The following CADM2 variants were observed in gnomAD, a reference collection of about 807,000 sequenced individuals.
The protein encoded by CADM2 is immunoglobulin superfamily member 4D.
CADM2 carries 12 observed loss-of-function variants against 49.8 expected under a neutral mutation model. The ratio of observed to expected loss-of-function variants is 0.24; its 90% CI spans 0.15 to 0.39. CADM2 has a LOEUF of 0.39. Among genes scored for constraint, CADM2 ranks in the 10% least tolerant of loss-of-function variants. The pLI, the probability that CADM2 is intolerant of heterozygous loss-of-function variation, is 1.00. For missense variants in CADM2, 378 were observed against 492.3 expected, an observed-to-expected ratio of 0.77 and a Z score of 2.20; for synonymous variants, 214 against 175.4, an observed-to-expected ratio of 1.22 and a Z score of -1.74.
intron 1 of CADM2, among the ~76,000 whole-genome samples, chr3:85,690,368 G>A (rs1291111475): frequency 6.6e-6 from 1 of 152,108 alleles, no homozygotes; most frequent in East Asian, 1.9e-4. Context: ...AATTATGAGA[G>A]ATGTAGTTAA....
chr3:85,687,739 C>G lies in CADM2; in HGVS notation c.62-38783C>G, dbSNP rs117870008. Among the ~76,000 whole-genome samples, 160 of 152,214 alleles carry G rather than the reference C, an allele frequency of 1.1e-3. 1 individual carries two copies. In the East Asian group the frequency reaches 0.029, roughly 27 times the overall value. On this transcript the variant is annotated intron_variant, in intron 1 of 9. Coordinates refer to ENST00000383699, the MANE Select transcript of CADM2 (RefSeq NM_001167675.2). ...ATGTGGGTAATTAGATGTCTATAGT[C>G]CTCCTACTATTTCAACAAAACTATC...
chr3:85,603,613 C>T (rs1333346702), intron 1 of CADM2, among the ~76,000 whole-genome samples: 1 of 151,824 alleles, frequency 6.6e-6, no homozygotes, highest in African/African-American at 2.4e-5. Flanking sequence ...TTTTCACTGG[C>T]TCAGCACCTG....
intron 1 of CADM2, among the ~76,000 whole-genome samples, chr3:85,276,324 AATG>A (rs2043356465): frequency 6.6e-6 from 1 of 151,380 alleles, no homozygotes; most frequent in Non-Finnish European, 1.5e-5. Context: ...TTGCTACTGA[AATG>A]ATGTACTTTG....
intron 1 of CADM2, among the ~76,000 whole-genome samples, chr3:85,068,781 A>AT (rs5850664): frequency 0.088 from 13,191 of 149,232 alleles, 1,840 homozygotes; most frequent in African/African-American, 0.3. Flanking sequence ...TATTTATTTA[A>AT]TTTTTTTTTT....
chr3:85,888,314 C>A (rs1559723478), intron 5 of CADM2, among the ~76,000 whole-genome samples: 1 of 152,092 alleles, frequency 6.6e-6, no homozygotes, highest in Non-Finnish European at 1.5e-5. Flanking sequence ...GAATTTTTGA[C>A]AAAATTGGCC....
At chr3:85,556,688 G>A (rs1009585435) in intron 1 of CADM2, among the ~76,000 whole-genome samples, 1 of 152,046 alleles carries the variant, frequency 6.6e-6, no homozygotes, top group Non-Finnish European at 1.5e-5. Flanking sequence ...TCACAATTTA[G>A]CTCTCTAAAT....
chr3:85,467,483 T>C (rs1336467433), intron 1 of CADM2, among the ~76,000 whole-genome samples: 3 of 152,162 alleles, frequency 2.0e-5, no homozygotes, highest in Non-Finnish European at 4.4e-5. Flanking sequence ...ACTCTGTAAA[T>C]TGGATGTTTA....
intron 2 of CADM2, among the ~76,000 whole-genome samples, chr3:85,796,980 A>G (rs886292034): frequency 2.1e-4 from 32 of 151,938 alleles, no homozygotes; most frequent in South Asian, 4.1e-4. Flanking sequence ...CTGCAGTTCC[A>G]GCTACTCGGG....
At chr3:85,632,001 T>C (rs1158592536) in intron 1 of CADM2, among the ~76,000 whole-genome samples, 1 of 152,134 alleles carries the variant, frequency 6.6e-6, no homozygotes, top group African/African-American at 2.4e-5. Context: ...TTTGCTATGC[T>C]TTGCTTTTCC....
intron 1 of CADM2, among the ~76,000 whole-genome samples, chr3:84,986,189 C>G (rs901268876): frequency 1.3e-5 from 2 of 152,104 alleles, no homozygotes; most frequent in African/African-American, 2.4e-5. Flanking sequence ...TGGGTTTTAA[C>G]TTTTTTACTT....
intron 8 of CADM2, among the ~76,000 whole-genome samples, chr3:86,011,451 C>A (rs1419673857): frequency 6.6e-6 from 1 of 151,968 alleles, no homozygotes; most frequent in Non-Finnish European, 1.5e-5. Context: ...AGAAACAAAA[C>A]AAAACCTGTA....
chr3:85,914,500 G>A (rs1054352471), intron 6 of CADM2, among the ~76,000 whole-genome samples: 3 of 152,076 alleles, frequency 2.0e-5, no homozygotes, highest in African/African-American at 2.4e-5. Flanking sequence ...AGGATCAACA[G>A]CATTTTAATT....
intron 1 of CADM2, among the ~76,000 whole-genome samples, chr3:85,497,908 T>A (rs1025359572): frequency 6.6e-6 from 1 of 151,972 alleles, no homozygotes; most frequent in Non-Finnish European, 1.5e-5. Context: ...TGTATATATA[T>A]AAATATATAT....
intron 1 of CADM2, among the ~76,000 whole-genome samples, chr3:85,030,419 C>T (rs752767841): frequency 4.6e-5 from 7 of 152,178 alleles, no homozygotes; most frequent in Non-Finnish European, 7.3e-5. Flanking sequence ...CAAGGACATA[C>T]GACCAGCATA....
chr3:85,909,401 A>AATATATAT (rs59251646), intron 5 of CADM2, among the ~76,000 whole-genome samples: 36,380 of 147,034 alleles, frequency 0.25, 5,065 homozygotes, highest in Non-Finnish European at 0.32. Flanking sequence ...TGTAAAATGA[A>AATATATAT]ATATATATAT....
chr3:85,949,965 G>T (rs1723247701), intron 7 of CADM2, among the ~76,000 whole-genome samples: 1 of 151,018 alleles, frequency 6.6e-6, no homozygotes, highest in Non-Finnish European at 1.5e-5. Flanking sequence ...TTTATATAGT[G>T]TCACATTGTT....
rs568457293 is a variant in CADM2, at chr3:85,980,986, T to C, written c.970+19339T>C. On this transcript the variant is annotated intron_variant, in intron 8 of 9. Transcript: ENST00000383699. ...CCTAAAATTATGACAACTACTGGCA[T>C]CTAAAATCACTAGCAATCAAATGTA... Among the ~76,000 whole-genome samples the C allele has an allele frequency of 1.9e-3, 283 of 151,604 alleles. 2 individuals are homozygous for C. The highest frequency in any genetic ancestry group is 3.1e-3 in the Non-Finnish European group (212 of 67,652).
chr3:85,847,227 T>C (rs2074921244), intron 3 of CADM2, among the ~76,000 whole-genome samples: 1 of 152,182 alleles, frequency 6.6e-6, no homozygotes, highest in South Asian at 2.1e-4. Context: ...TAGAACACAC[T>C]AAGAGGCTTT....
intron 1 of CADM2, among the ~76,000 whole-genome samples, chr3:85,329,541 G>A (rs2044855269): frequency 6.6e-6 from 1 of 152,008 alleles, no homozygotes; most frequent in Non-Finnish European, 1.5e-5. Context: ...AGCCGAGATT[G>A]CACCACTGCA....
Sources: allele counts gnomAD v4.1 joint callset (sites outside exome capture counted in the v4.1 genomes callset), GRCh38; gene constraint gnomAD v4.1.1; transcripts MANE v1.5; gene names NCBI Gene and HGNC (gene_info 2026-07-23, HGNC 2026-07-21).